The following ATP8B3 variants were observed in gnomAD, a reference collection of about 807,000 sequenced individuals.
ATP8B3 encodes the protein ATPase phospholipid transporting 8B3.
Under a neutral mutation model 140.9 loss-of-function variants are expected in ATP8B3, and 141 were observed. The observed-to-expected ratio is 1.00, with a 90% confidence interval of 0.87 to 1.15. ATP8B3 has a LOEUF of 1.15. ATP8B3 is among the 50% of genes most tolerant of loss of function. ATP8B3 has a pLI of 0.00. For synonymous variants in ATP8B3, 765 were observed against 714.6 expected, an observed-to-expected ratio of 1.07 and a Z score of -1.13; for missense variants, 1,874 against 1,740.6, an observed-to-expected ratio of 1.08 and a Z score of -1.36.
Position 1,802,489 on chromosome 19 carries a change from G to A in ATP8B3, c.1061C>T (p.Ala354Val), listed in dbSNP as rs968130067. 5.2e-6 allele frequency: 7 copies of A among 1,355,426 alleles called. No individual in the cohort carries two copies. In the East Asian group the frequency reaches 2.6e-4, roughly 50 times the overall value. The allele number at this position is 1,355,426 out of a possible 1,614,324, so 84.0% of individuals were successfully genotyped here. A position where few individuals can be genotyped will look rare whatever the true frequency, so the allele number is the denominator to read the frequency against. ...CCAGGACCCTGGAGCAGCCGTACCA[G>A]CATAAATGACCAGTCCATAGCAGGT... ...TDTCYGLVIY[A>V]GFDTKIMKNC... Residue 354 changes from alanine (A) to valine (V), a missense_variant and splice_region_variant, in exon 11 of 29, where the codon GCT (alanine) becomes GTT (valine). Physicochemically the swap from Ala to Val is moderately conservative, Grantham distance 64. Transcript: ENST00000310127.
Position 1,808,289 on chromosome 19 carries a change from G to A in ATP8B3, c.449C>T (p.Pro150Leu), listed in dbSNP as rs769458498. The change falls in exon 5 of 29, where the codon CCG becomes CTG. Residue 150 changes from proline to leucine, a missense_variant. Around this residue, in one of 3 missense-constraint regions of ATP8B3, gnomAD observed 1,032 missense variants for 963.6 expected, o/e 1.07. Coordinates refer to ENST00000310127, the MANE Select transcript of ATP8B3 (RefSeq NM_138813.4). The stretch of plus-strand genomic sequence containing the variant: ...GTGGAACTGCTCGTACAGGTTCAGC[G>A]GCAGGAACGAGTAGAAGTTGTACTT... The part of the protein sequence containing the change: ...TAKYNFYSFL[P>L]LNLYEQFHRV... 1.3e-4 allele frequency: 209 copies of A among 1,612,982 alleles called. No homozygotes were observed. In the Admixed American group the frequency reaches 3.2e-3, roughly 24 times the overall value.
intron 14 of ATP8B3, 72 bp from the exon 15 acceptor site, chr19:1,797,077 C>CA: frequency 6.2e-7 from 1 of 1,603,326 alleles, no homozygotes; most frequent in African/African-American, 1.3e-5. Flanking sequence ...CCCCTGACCC[C>CA]TAGTTTCAGG....
intron 21 of ATP8B3, 32 bp downstream of exon 21, chr19:1,790,725 C>G (rs372692269): frequency 2.9e-5 from 45 of 1,560,410 alleles, no homozygotes; most frequent in Non-Finnish European, 3.6e-5. Flanking sequence ...TCCCCACTCC[C>G]CTTGCTCACC....
chr19:1,793,645 A>G (rs910475867), intron 18 of ATP8B3, among the ~76,000 whole-genome samples: 13 of 152,356 alleles, frequency 8.5e-5, no homozygotes, highest in Middle Eastern at 3.4e-3. Context: ...GGGGGTCCCC[A>G]AGGAAGGTGC....
At position 1,785,635 on chromosome 19, in the gene ATP8B3, T is replaced by C; in HGVS notation, c.3227A>G (p.Tyr1076Cys). 6.2e-7 allele frequency: 1 copy of C among 1,613,064 alleles called. No homozygotes were observed. Among genetic ancestry groups the C allele is most frequent in the Non-Finnish European group, 8.5e-7 (1 of 1,179,820 alleles). The change falls in exon 26 of 29, where the codon TAC (tyrosine) becomes TGC (cysteine). Residue 1076 changes from tyrosine to cysteine, a missense_variant. Physicochemically the swap from Tyr to Cys is radical, Grantham distance 194 (BLOSUM62 -2). Coordinates refer to ENST00000310127, the MANE Select transcript of ATP8B3 (RefSeq NM_138813.4). ...GGCGATGGCTTGGACGAAGACCCAG[T>C]AGTTGAAGAGCTCGTCCTTCTGCCC... ...VVGQKDELFN[Y>C]WVFVQAIAHG...
chr19:1,786,999 G>T, intron 25 of ATP8B3, 104 bp downstream of exon 25: 6 of 1,117,578 alleles, frequency 5.4e-6, no homozygotes, highest in Non-Finnish European at 7.7e-6. Context: ...CCACCCCATG[G>T]CCTGAAGGTC....
chr19:1,804,393 A>G (rs1448440377), intron 10 of ATP8B3, among the ~76,000 whole-genome samples: 1 of 152,228 alleles, frequency 6.6e-6, no homozygotes, highest in Admixed American at 6.5e-5. Flanking sequence ...GTGGATCACA[A>G]GGTCAGGAGA....
chr19:1,801,807 C>T, intron 12 of ATP8B3, 149 bp downstream of exon 12: 1 of 412,668 alleles, frequency 2.4e-6, no homozygotes, highest in Non-Finnish European at 4.3e-6. Flanking sequence ...TAAAAAATTA[C>T]TTTAATGAAA....
intron 4 of ATP8B3, among the ~76,000 whole-genome samples, chr19:1,808,864 G>A (rs10403288): frequency 0.2 from 29,687 of 152,106 alleles, 3,193 homozygotes; most frequent in Admixed American, 0.3. Context: ...CGGGCGGTTC[G>A]GTCCTCGAGA....
intron 14 of ATP8B3, among the ~76,000 whole-genome samples, chr19:1,797,692 G>A (rs990094416): frequency 6.6e-6 from 1 of 151,586 alleles, no homozygotes; most frequent in Non-Finnish European, 1.5e-5. Context: ...TAGAGATGGG[G>A]TTTCACCATG....
In ATP8B3 at chr19:1,808,285, C is replaced by T. The variant is rs376793117; in HGVS notation, c.453G>A (p.Leu151=). The part of the protein sequence containing the change: ...AKYNFYSFLP[L]NLYEQFHRVS... Reference sequence around the variant, plus strand: ...CGCGGTGGAACTGCTCGTACAGGTTCAGCGGCAGGAACGAGTAGAAGTTGT... The same window carrying T: ...CGCGGTGGAACTGCTCGTACAGGTTTAGCGGCAGGAACGAGTAGAAGTTGT... The change falls in exon 5 of 29, where the codon CTG becomes CTA. Residue 151 remains leucine, a synonymous_variant. Transcript: ENST00000310127. The T allele has an allele frequency of 1.5e-5, 25 of 1,613,132 alleles. No homozygotes were observed. Among genetic ancestry groups the T allele is most frequent in the Non-Finnish European group, 1.9e-5 (22 of 1,179,674 alleles).
intron 12 of ATP8B3, 106 bp downstream of exon 12, chr19:1,801,850 C>A: frequency 1.3e-6 from 1 of 745,546 alleles, no homozygotes; most frequent in South Asian, 2.3e-5. Context: ...CCCACAGGAT[C>A]AGGCCGCACA....
At chr19:1,793,386 C>T (rs2068574878) in intron 18 of ATP8B3, among the ~76,000 whole-genome samples, 1 of 152,214 alleles carries the variant, frequency 6.6e-6, no homozygotes, top group African/African-American at 2.4e-5. Flanking sequence ...CAGGCAGAAG[C>T]CACCACACCT....
chr19:1,787,773 A>ATTGCTCAT (rs1490596822), intron 24 of ATP8B3, among the ~76,000 whole-genome samples: 1 of 134,684 alleles, frequency 7.4e-6, no homozygotes, highest in Non-Finnish European at 1.5e-5. Flanking sequence ...GCTGGGTGCG[A>ATTGCTCAT]TTGCTCATGC....
In ATP8B3 at chr19:1,800,254, C is replaced by T. The variant is rs2068803127; in HGVS notation, c.1343+5G>A. The T allele has an allele frequency of 6.2e-7, 1 of 1,610,940 alleles. No individual in the cohort carries two copies. Among genetic ancestry groups the T allele is most frequent in the Admixed American group, 1.7e-5 (1 of 59,466 alleles). On this transcript the variant is annotated splice_donor_5th_base_variant and intron_variant, in intron 13 of 28. Coordinates refer to ENST00000310127, the MANE Select transcript of ATP8B3 (RefSeq NM_138813.4). The surrounding 1 kb of genome is among the most constrained non-coding windows in gnomAD (Gnocchi z 4.4). Reference sequence around the variant, plus strand: ...GCACCGGGGACGCAGCCGGCGGAGACTCACAGGATGAACATGGACATCGGG... The same window carrying T: ...GCACCGGGGACGCAGCCGGCGGAGATTCACAGGATGAACATGGACATCGGG...
At chr19:1,796,667 C>T (rs757014279) in intron 16 of ATP8B3, 44 bp downstream of exon 16, 14 of 1,587,574 alleles carry the variant, frequency 8.8e-6, no homozygotes, top group Middle Eastern at 2.2e-4. Flanking sequence ...TGCCGTGCCC[C>T]GGGGGCTGAG....
In ATP8B3 at chr19:1,807,486, C is replaced by T. The variant is rs952591249; in HGVS notation, c.517-220G>A. On this transcript the variant is annotated intron_variant, in intron 5 of 28. Coordinates refer to ENST00000310127, the MANE Select transcript of ATP8B3 (RefSeq NM_138813.4). The surrounding 1 kb of genome is among the most constrained non-coding windows in gnomAD (Gnocchi z 5.9). ...TCTCCCACACGCCTCGTCTCCCCAG[C>T]AAACTCCCCTTCTCCCGTCCAAGCC... Among the ~76,000 whole-genome samples the T allele has an allele frequency of 3.9e-5, 6 of 152,112 alleles. No homozygotes were observed. Among genetic ancestry groups the T allele is most frequent in the African/African-American group, 1.4e-4 (6 of 41,426 alleles).
At position 1,789,209 on chromosome 19, in the gene ATP8B3, G is replaced by GC. The variant is rs1270543686; in HGVS notation, c.2846-90dup. 1.3e-3 allele frequency: 1,058 copies of GC among 809,312 alleles called. 9 individuals carry two copies. In the African/African-American group the frequency reaches 0.013, roughly 10 times the overall value. 50.1% of individuals were successfully genotyped at this position (809,312 alleles called of 1,614,324 possible). A position where few individuals can be genotyped will look rare whatever the true frequency, so the allele number is the denominator to read the frequency against. ...CCCCGCACTGTTCTGCCCCCTATCA[G>GC]CCCCCCCCATCTGCTTCAGGTCCCC... On this transcript the variant is annotated intron_variant, in intron 23 of 28. Transcript: ENST00000310127.
intron 18 of ATP8B3, among the ~76,000 whole-genome samples, chr19:1,795,553 A>C (rs2068638738): frequency 6.6e-6 from 1 of 152,110 alleles, no homozygotes; most frequent in Admixed American, 6.5e-5. Context: ...TCTGTCTCAA[A>C]GAAAAGAAAA....
Sources: allele counts gnomAD v4.1 joint callset (sites outside exome capture counted in the v4.1 genomes callset), GRCh38; gene constraint gnomAD v4.1.1; regional missense constraint gnomAD v4.1.1; non-coding constraint Gnocchi (gnomAD v3.1); transcripts MANE v1.5; gene names NCBI Gene and HGNC (gene_info 2026-07-23, HGNC 2026-07-21).